COL6A5: variants seen among roughly 807,000 people sequenced by gnomAD.
COL6A5 encodes the protein collagen type VI alpha 5 chain.
COL6A5 carries 48 observed loss-of-function variants against 65.6 expected under a neutral mutation model. The observed-to-expected ratio is 0.73, with a 90% confidence interval of 0.58 to 0.93. COL6A5 has a LOEUF of 0.93. Ranked by LOEUF, COL6A5 falls within the 40% of genes least tolerant of loss-of-function variation. COL6A5 has a pLI of 0.00. For missense variants in COL6A5, 914 were observed against 928.3 expected, an observed-to-expected ratio of 0.98 and a Z score of 0.20; for synonymous variants, 291 against 322.8, an observed-to-expected ratio of 0.90 and a Z score of 1.05.
chr3:130,366,692 G>T (rs1285588335), intron 1 of COL6A5, among the ~76,000 whole-genome samples: 3 of 152,148 alleles, frequency 2.0e-5, no homozygotes, highest in African/African-American at 7.2e-5. Context: ...ACTCTGAAGT[G>T]CTGTATTTTA....
chr3:130,447,533 C>T (rs1311746075), intron 4 of COL6A5, among the ~76,000 whole-genome samples: 9 of 152,064 alleles, frequency 5.9e-5, no homozygotes, highest in Non-Finnish European at 1.0e-4. Context: ...TTATGGTTAC[C>T]GGCAGACATG....
rs576569769 is a variant in COL6A5, at chr3:130,352,018, C to A, written c.-29+6037C>A. 1.6e-3 allele frequency among the ~76,000 whole-genome samples: 249 copies of A among 152,036 alleles called. 1 individual carries two copies. Among genetic ancestry groups the A allele is most frequent in the African/African-American group, 5.0e-3 (209 of 41,472 alleles). On this transcript the variant is annotated intron_variant and NMD_transcript_variant, in intron 1 of 41. Coordinates refer to the COL6A5 transcript ENST00000312481. ...TCATGTCCTTTGCAGGGACATGGATCAAGCTGGAATCCATCATCCTCAGCA... is the reference window on the plus strand; with the variant it reads ...TCATGTCCTTTGCAGGGACATGGATAAAGCTGGAATCCATCATCCTCAGCA...
chr3:130,373,691 C>T, exon 2 of COL6A5: 1 of 1,535,734 alleles, frequency 6.5e-7, no homozygotes, highest in Non-Finnish European at 8.8e-7. Context: ...GAAACATTGG[C>T]AGACCAGAGC....
chr3:130,481,282 T>A (rs1338180563), intron 7 of COL6A5, among the ~76,000 whole-genome samples: 2 of 149,734 alleles, frequency 1.3e-5, no homozygotes, highest in Non-Finnish European at 3.0e-5. Context: ...AACTTATGAG[T>A]GGGAACATGT....
Position 130,396,955 on chromosome 3 carries a change from C to T in COL6A5, c.3569-628C>T, listed in dbSNP as rs549455135. The stretch of plus-strand genomic sequence containing the variant: ...TCGGCTCACTGCAAGCTCTGCCTCC[C>T]GGGTTCACGCCATTCTCCTGCCTCA... On this transcript the variant is annotated intron_variant and NMD_transcript_variant, in intron 8 of 41. Coordinates refer to the COL6A5 transcript ENST00000312481. Among the ~76,000 whole-genome samples the T allele has an allele frequency of 1.6e-4, 25 of 152,262 alleles. 1 individual carries two copies. Among genetic ancestry groups the T allele is most frequent in the South Asian group, 4.2e-4 (2 of 4,818 alleles).
chr3:130,475,163 C>T (rs944295069), intron 7 of COL6A5, among the ~76,000 whole-genome samples: 12 of 151,574 alleles, frequency 7.9e-5, no homozygotes, highest in Admixed American at 7.9e-4. Flanking sequence ...ATCAGAGGGT[C>T]TAACATTTGT....
intron 18 of COL6A5, 69 bp from the exon 19 acceptor site, chr3:130,409,940 C>A: frequency 9.1e-7 from 1 of 1,102,352 alleles, no homozygotes; most frequent in Non-Finnish European, 1.3e-6. Context: ...AGTACTTGAA[C>A]ATCATACCGT....
chr3:130,398,208 G>A, intron 10 of COL6A5, 97 bp downstream of exon 10: 1 of 789,738 alleles, frequency 1.3e-6, no homozygotes, highest in Non-Finnish European at 2.0e-6. Flanking sequence ...TCAGCTCACT[G>A]CAAGCTCCAC....
At chr3:130,375,079 C>T (rs1195862520) in intron 2 of COL6A5, among the ~76,000 whole-genome samples, 8 of 152,166 alleles carry the variant, frequency 5.3e-5, no homozygotes, top group South Asian at 2.1e-4. Flanking sequence ...AGGAGCAGCA[C>T]GGCTGACCAT....
At chr3:130,377,887 C>T (rs1290026817) in intron 3 of COL6A5, among the ~76,000 whole-genome samples, 1 of 152,050 alleles carries the variant, frequency 6.6e-6, no homozygotes, top group East Asian at 1.9e-4. Context: ...TTTGTTTTAG[C>T]TAACTGTGGG....
intron 3 of COL6A5, among the ~76,000 whole-genome samples, chr3:130,378,421 C>A (rs1935865272): frequency 1.3e-5 from 2 of 152,160 alleles, no homozygotes; most frequent in Non-Finnish European, 2.9e-5. Context: ...TCAAAACTAT[C>A]CTTGTCATTC....
At chr3:130,347,906 C>G (rs1934558069) in intron 1 of COL6A5, among the ~76,000 whole-genome samples, 2 of 152,140 alleles carry the variant, frequency 1.3e-5, no homozygotes, top group Admixed American at 1.3e-4. Context: ...AAGTTGGGAT[C>G]TAAGATAAAA....
At chr3:130,441,547 T>C (rs1709181690) in intron 3 of COL6A5, among the ~76,000 whole-genome samples, 1 of 150,696 alleles carries the variant, frequency 6.6e-6, no homozygotes. Flanking sequence ...TCTGTCTCAT[T>C]GAACAGGATG....
intron 4 of COL6A5, among the ~76,000 whole-genome samples, chr3:130,443,804 T>A (rs1026367523): frequency 3.9e-5 from 6 of 152,190 alleles, no homozygotes; most frequent in African/African-American, 1.4e-4. Flanking sequence ...CAGAAATTCC[T>A]GTATTGAAAT....
intron 7 of COL6A5, 38 bp from the exon 40 acceptor site, chr3:130,471,644 G>T (rs1559920644): frequency 6.6e-7 from 1 of 1,521,344 alleles, no homozygotes; most frequent in Non-Finnish European, 8.8e-7. Context: ...AGGGGACTTG[G>T]CTAACTAATT....
At chr3:130,407,413 T>C (rs1937029860) in intron 17 of COL6A5, among the ~76,000 whole-genome samples, 1 of 152,124 alleles carries the variant, frequency 6.6e-6, no homozygotes, top group Non-Finnish European at 1.5e-5. Flanking sequence ...AGATTTACAT[T>C]TTAGAAATAT....
At chr3:130,359,443 T>A (rs1330751561) in intron 1 of COL6A5, among the ~76,000 whole-genome samples, 1 of 152,034 alleles carries the variant, frequency 6.6e-6, no homozygotes, top group Non-Finnish European at 1.5e-5. Context: ...GGTCAAAAAT[T>A]GTTTATTTTT....
At chr3:130,480,123 T>C (rs543592214) in intron 7 of COL6A5, among the ~76,000 whole-genome samples, 49 of 152,072 alleles carry the variant, frequency 3.2e-4, no homozygotes, top group Non-Finnish European at 6.8e-4. Context: ...TATTAATAAT[T>C]CTATCAATTC....
chr3:130,392,841 TTCGTTTCAGATATTGAATGA>T (rs1356701640), intron 7 of COL6A5, among the ~76,000 whole-genome samples: 26 of 152,270 alleles, frequency 1.7e-4, no homozygotes, highest in African/African-American at 6.0e-4. Context: ...ATTCATCTTC[TTCGTTTCAGATATTGAATGA>T]TGGTATCATC....
Sources: gnomAD v4.1 joint callset for allele counts (sites outside exome capture counted in the v4.1 genomes callset) on GRCh38, gnomAD v4.1.1 for gene constraint, MANE v1.5 for transcripts, NCBI Gene and HGNC (gene_info 2026-07-23, HGNC 2026-07-21) for gene names.